SGCZ: variants seen among roughly 807,000 people sequenced by gnomAD.
SGCZ encodes zeta-sarcoglycan.
In SGCZ, 40 loss-of-function variants were observed where a neutral mutation model predicts 41.3. The observed-to-expected ratio is 0.97, with a 90% CI of 0.75 to 1.26. The LOEUF (loss-of-function observed/expected upper bound fraction) is 1.26, where lower values mean the gene tolerates loss of function less well. SGCZ is among the 50% of genes most tolerant of loss of function. The pLI is 0.00. For missense variants in SGCZ, 552 were observed against 369.8 expected (o/e 1.49, Z -4.04); for synonymous variants, 206 against 137.5 (o/e 1.50, Z -3.49).
At chr8:14,586,359 G>A (rs1049870655) in intron 1 of SGCZ, among the ~76,000 whole-genome samples, 6 of 151,940 alleles carry the variant, frequency 3.9e-5, no homozygotes, top group African/African-American at 1.2e-4. Context: ...GACTACAGGC[G>A]TGTGTCATCA....
chr8:14,359,308 T>G (rs191852069), intron 2 of SGCZ, among the ~76,000 whole-genome samples: 2 of 152,254 alleles, frequency 1.3e-5, no homozygotes, highest in African/African-American at 4.8e-5. Flanking sequence ...TGTGTTCACA[T>G]TGAGTACACT....
At chr8:14,826,526 T>G (rs931717775) in intron 1 of SGCZ, among the ~76,000 whole-genome samples, 21 of 152,260 alleles carry the variant, frequency 1.4e-4, no homozygotes, top group African/African-American at 4.8e-4. Flanking sequence ...TCCACAATGG[T>G]TGAACTAGTT....
rs533665718 is a variant in SGCZ at position 15,105,473 on chromosome 8, A to T, written c.39+132112T>A. Among the ~76,000 whole-genome samples the T allele has an allele frequency of 4.6e-5, 7 of 152,256 alleles. No homozygotes were observed. In the South Asian group the frequency reaches 1.0e-3, roughly 23 times the overall value. On this transcript the variant is annotated intron_variant, in intron 1 of 7. Coordinates refer to ENST00000382080, the MANE Select transcript of SGCZ (RefSeq NM_139167.4). ...GGCAGAAGGTGAGGGGGAAGTAAGC[A>T]CGTCTTACCATGGTGGAGCAGGAGA...
intron 2 of SGCZ, among the ~76,000 whole-genome samples, chr8:14,415,313 G>A (rs1459011847): frequency 6.6e-6 from 1 of 151,862 alleles, no homozygotes; most frequent in Non-Finnish European, 1.5e-5. Flanking sequence ...GAATATGAGT[G>A]CTTTCAGAAA....
chr8:14,501,158 C>T (rs76784199), intron 2 of SGCZ, among the ~76,000 whole-genome samples: 1,667 of 151,908 alleles, frequency 0.011, 16 homozygotes, highest in South Asian at 0.029. Context: ...GGGATCATGG[C>T]CCCTTTAATT....
chr8:14,260,983 A>T (rs898371980), intron 3 of SGCZ, among the ~76,000 whole-genome samples: 2 of 152,158 alleles, frequency 1.3e-5, no homozygotes, highest in Non-Finnish European at 2.9e-5. Context: ...GCATTGGGAG[A>T]TATACCTAAC....
chr8:14,624,557 T>TATTATTATTTTA (rs796581114), intron 1 of SGCZ, among the ~76,000 whole-genome samples: 1 of 54,750 alleles, frequency 1.8e-5, no homozygotes, highest in Non-Finnish European at 3.7e-5. Context: ...TTATTATTAT[T>TATTATTATTTTA]TTTTTTTTTT....
intron 1 of SGCZ, among the ~76,000 whole-genome samples, chr8:15,214,435 T>G (rs1801334820): frequency 6.6e-6 from 1 of 152,090 alleles, no homozygotes; most frequent in African/African-American, 2.4e-5. Context: ...TTCACTGAGG[T>G]TTATTTGACT....
chr8:14,276,673 G>A (rs1223828508), intron 3 of SGCZ, among the ~76,000 whole-genome samples: 2 of 151,842 alleles, frequency 1.3e-5, no homozygotes, highest in African/African-American at 4.8e-5. Context: ...TTTCCAATTT[G>A]TATTTTATAC....
intron 1 of SGCZ, among the ~76,000 whole-genome samples, chr8:15,225,897 G>C (rs1801754151): frequency 6.6e-6 from 1 of 152,030 alleles, no homozygotes; most frequent in Non-Finnish European, 1.5e-5. Flanking sequence ...CTATCACCAG[G>C]CATCTTTAGT....
chr8:14,261,419 C>G (rs1799661804), intron 3 of SGCZ, among the ~76,000 whole-genome samples: 1 of 152,060 alleles, frequency 6.6e-6, no homozygotes, highest in Admixed American at 6.6e-5. Flanking sequence ...AAAGAATTAC[C>G]GTAGTGTAAA....
intron 1 of SGCZ, among the ~76,000 whole-genome samples, chr8:14,927,135 G>T (rs1468331436): frequency 8.7e-6 from 1 of 115,438 alleles, no homozygotes; most frequent in Non-Finnish European, 1.6e-5. Context: ...GTGAGGCAGA[G>T]TCTCGCTCTG....
intron 1 of SGCZ, among the ~76,000 whole-genome samples, chr8:15,060,263 C>A (rs1217239293): frequency 6.6e-6 from 1 of 152,034 alleles, no homozygotes; most frequent in Non-Finnish European, 1.5e-5. Context: ...AGACTTGGAA[C>A]CAACCCACAT....
chr8:15,119,529 T>C (rs1001753969), intron 1 of SGCZ, among the ~76,000 whole-genome samples: 1 of 150,536 alleles, frequency 6.6e-6, no homozygotes, highest in Non-Finnish European at 1.5e-5. Context: ...AGACCCTGTC[T>C]CAAAAAGAAA....
chr8:14,698,226 C>T (rs1283013690), intron 1 of SGCZ, among the ~76,000 whole-genome samples: 6 of 151,802 alleles, frequency 4.0e-5, no homozygotes, highest in African/African-American at 4.8e-5. Flanking sequence ...ATAAAATTTG[C>T]TTTTATGTGA....
chr8:14,914,771 T>C (rs1799377882), intron 1 of SGCZ, among the ~76,000 whole-genome samples: 2 of 152,192 alleles, frequency 1.3e-5, no homozygotes, highest in Non-Finnish European at 2.9e-5. Flanking sequence ...TTTCTTTGTA[T>C]ACTTCTGAAA....
chr8:14,247,192 G>A (rs899185122), intron 3 of SGCZ, among the ~76,000 whole-genome samples: 12 of 152,020 alleles, frequency 7.9e-5, no homozygotes, highest in African/African-American at 1.4e-4. Context: ...GTTTAGTCAC[G>A]GTTATGAATT....
chr8:14,105,319 A>ATACTC (rs1430654107), intron 6 of SGCZ, among the ~76,000 whole-genome samples: 1 of 152,108 alleles, frequency 6.6e-6, no homozygotes, highest in Admixed American at 6.5e-5. Context: ...CAAAATATTA[A>ATACTC]TACTCTATTA....
In SGCZ at chr8:15,120,587, T is replaced by C. The variant is rs1585584449; in HGVS notation, c.39+116998A>G. On this transcript the variant is annotated intron_variant, in intron 1 of 7. Transcript: ENST00000382080. ...GTCCCTACAGTGATAATGTTAGCAA[T>C]CTGGTATTAAGGTGTAGAAATTGTG... Among the ~76,000 whole-genome samples, 3 of 152,218 alleles carry C rather than the reference T, an allele frequency of 2.0e-5. No individual in the cohort carries two copies. In the East Asian group the frequency reaches 5.8e-4, roughly 29 times the overall value.
Sources: allele counts gnomAD v4.1 joint callset (sites outside exome capture counted in the v4.1 genomes callset), GRCh38; gene constraint gnomAD v4.1.1; transcripts MANE v1.5; gene names NCBI Gene and HGNC (gene_info 2026-07-23, HGNC 2026-07-21).